IMMP2L: variants seen among roughly 807,000 people sequenced by gnomAD.
IMMP2L encodes inner mitochondrial membrane peptidase subunit 2, also known as mitochondrial inner membrane protease subunit 2.
Under a neutral mutation model 19.3 loss-of-function variants are expected in IMMP2L, and 18 were observed. The observed-to-expected ratio is 0.93, with a 90% CI of 0.64 to 1.38. The LOEUF is 1.38. Ranked by LOEUF, IMMP2L falls within the 40% of genes most tolerant of loss-of-function variation. The probability of loss-of-function intolerance (pLI) is 0.00; values close to 1 mark genes in which losing one functional copy is unlikely to be tolerated. For synonymous variants in IMMP2L, 76 were observed against 73.0 expected (o/e 1.04, Z -0.21); for missense variants, 233 against 218.2 (o/e 1.07, Z -0.43).
At chr7:111,168,051 G>A (rs962195671) in intron 3 of IMMP2L, among the ~76,000 whole-genome samples, 1 of 151,850 alleles carries the variant, frequency 6.6e-6, no homozygotes, top group Non-Finnish European at 1.5e-5. Flanking sequence ...TTTTGCATAG[G>A]AAGTTTTCAG....
At chr7:111,274,412 A>C (rs1818800334) in intron 3 of IMMP2L, among the ~76,000 whole-genome samples, 1 of 152,170 alleles carries the variant, frequency 6.6e-6, no homozygotes. Flanking sequence ...CCTTATTGCC[A>C]GTAATTTGGG....
intron 3 of IMMP2L, among the ~76,000 whole-genome samples, chr7:111,068,596 A>G (rs973659328): frequency 6.6e-6 from 1 of 152,210 alleles, no homozygotes; most frequent in Non-Finnish European, 1.5e-5. Context: ...TCAAGGAAGA[A>G]TATCCAGTAA....
chr7:111,127,812 C>T (rs779740721), intron 3 of IMMP2L, among the ~76,000 whole-genome samples: 27 of 152,152 alleles, frequency 1.8e-4, no homozygotes, highest in Middle Eastern at 3.4e-3. Flanking sequence ...AACACCTTGG[C>T]ACAAAAATAA....
chr7:111,468,166 A>G (rs776449856), intron 3 of IMMP2L, among the ~76,000 whole-genome samples: 54 of 152,280 alleles, frequency 3.5e-4, no homozygotes, highest in Non-Finnish European at 6.9e-4. Context: ...GTTTTCTTAT[A>G]AAAGTCAGCT....
At chr7:110,940,525 A>G (rs988365729) in intron 4 of IMMP2L, among the ~76,000 whole-genome samples, 2 of 152,122 alleles carry the variant, frequency 1.3e-5, no homozygotes, top group Non-Finnish European at 2.9e-5. Context: ...TAGATTTCCA[A>G]TAAGCATTGG....
chr7:110,862,404 A>G (rs2129542914), intron 5 of IMMP2L, among the ~76,000 whole-genome samples: 1 of 151,900 alleles, frequency 6.6e-6, no homozygotes. Context: ...TAGTGGCACA[A>G]TCATAGCTCA....
chr7:110,714,459 A>T (rs1373486258), intron 5 of IMMP2L, among the ~76,000 whole-genome samples: 1 of 152,148 alleles, frequency 6.6e-6, no homozygotes, highest in Non-Finnish European at 1.5e-5. Flanking sequence ...TGCTGGTTTC[A>T]TAGAATGAGT....
intron 3 of IMMP2L, among the ~76,000 whole-genome samples, chr7:111,114,660 C>T (rs1200746582): frequency 6.7e-6 from 1 of 149,292 alleles, no homozygotes; most frequent in Non-Finnish European, 1.5e-5. Context: ...TGTTTGAACC[C>T]AGGAGGTGGA....
intron 1 of IMMP2L, among the ~76,000 whole-genome samples, chr7:111,536,301 T>C (rs1265981436): frequency 6.6e-6 from 1 of 151,982 alleles, no homozygotes; most frequent in Non-Finnish European, 1.5e-5. Flanking sequence ...GTGGGTTGTT[T>C]TTTGTTGTTT....
intron 5 of IMMP2L, among the ~76,000 whole-genome samples, chr7:110,703,841 A>G (rs1794457330): frequency 6.6e-6 from 1 of 152,062 alleles, no homozygotes; most frequent in Non-Finnish European, 1.5e-5. Context: ...ATTGCTCTTA[A>G]GAGAATAATT....
At chr7:111,439,030 A>G (rs1837460409) in intron 3 of IMMP2L, among the ~76,000 whole-genome samples, 2 of 151,894 alleles carry the variant, frequency 1.3e-5, no homozygotes, top group Admixed American at 1.3e-4. Flanking sequence ...TGTGGACACA[A>G]TGTGAAATCA....
intron 3 of IMMP2L, among the ~76,000 whole-genome samples, chr7:111,177,193 T>G (rs542219540): frequency 5.9e-5 from 9 of 152,234 alleles, no homozygotes; most frequent in African/African-American, 2.2e-4. Flanking sequence ...TTGTTTTTAT[T>G]TTTGAAGACT....
At chr7:110,751,199 G>C (rs940389921) in intron 5 of IMMP2L, among the ~76,000 whole-genome samples, 1 of 151,558 alleles carries the variant, frequency 6.6e-6, no homozygotes, top group African/African-American at 2.4e-5. Context: ...TAAGACACAG[G>C]GATCTTTAGG....
At chr7:110,864,923 A>G (rs949412659) in intron 5 of IMMP2L, among the ~76,000 whole-genome samples, 1 of 151,942 alleles carries the variant, frequency 6.6e-6, no homozygotes, top group Non-Finnish European at 1.5e-5. Context: ...GCTGTGATCC[A>G]TTGACTACAT....
intron 3 of IMMP2L, among the ~76,000 whole-genome samples, chr7:111,016,511 TTTATA>T (rs1163552911): frequency 8.2e-6 from 1 of 121,250 alleles, no homozygotes; most frequent in Non-Finnish European, 1.6e-5. Context: ...TTTTATGTAT[TTTATA>T]TTATATATGT....
chr7:110,784,357 C>T (rs1263416458), intron 5 of IMMP2L, among the ~76,000 whole-genome samples: 2 of 151,878 alleles, frequency 1.3e-5, no homozygotes, highest in African/African-American at 4.8e-5. Context: ...TATCCTCCAT[C>T]ACACTGAACA....
At chr7:110,949,472 T>C (rs1314613988) in intron 4 of IMMP2L, among the ~76,000 whole-genome samples, 1 of 152,224 alleles carries the variant, frequency 6.6e-6, no homozygotes, top group Non-Finnish European at 1.5e-5. Context: ...TATTTTCTAC[T>C]GATTTCCAAG....
chr7:110,873,516 C>A (rs1266046230), intron 5 of IMMP2L, among the ~76,000 whole-genome samples: 2 of 148,446 alleles, frequency 1.3e-5, no homozygotes, highest in African/African-American at 2.5e-5. Flanking sequence ...TTAATCCCAG[C>A]ATTTTGGGAG....
chr7:111,539,210 G>GAA, intron 1 of IMMP2L, among the ~76,000 whole-genome samples: 1 of 67,984 alleles, frequency 1.5e-5, no homozygotes, highest in Non-Finnish European at 3.0e-5. Context: ...AAGAAAGAAA[G>GAA]AAAGAAAGAA....
Sources: allele counts gnomAD v4.1 joint callset (sites outside exome capture counted in the v4.1 genomes callset), GRCh38; gene constraint gnomAD v4.1.1; transcripts MANE v1.5; gene names NCBI Gene and HGNC (gene_info 2026-07-23, HGNC 2026-07-21).